The following ZNF735 variants were observed in gnomAD, a reference collection of about 807,000 sequenced individuals.
ZNF735 encodes putative zinc finger protein 735.
In ZNF735, 11 loss-of-function variants were observed where a neutral mutation model predicts 13.4. The ratio of observed to expected loss-of-function variants is 0.82; its 90% CI spans 0.52 to 1.36. The LOEUF (loss-of-function observed/expected upper bound fraction) is 1.36, where lower values mean the gene tolerates loss of function less well. Ranked by LOEUF, ZNF735 falls within the 40% of genes most tolerant of loss-of-function variation. The pLI is 0.00. For synonymous variants in ZNF735, 171 were observed against 162.6 expected, an observed-to-expected ratio of 1.05 and a Z score of -0.39; for missense variants, 500 against 484.6, an observed-to-expected ratio of 1.03 and a Z score of -0.30.
At chr7:64,219,955 T>A (rs777700416) in exon 4 of ZNF735, 5 of 1,613,954 alleles carry the variant, frequency 3.1e-6, no homozygotes. Flanking sequence ...ATGTGAAGAA[T>A]GTGGCAAAGC....
At chr7:64,215,830 A>G (rs1159124249) in intron 3 of ZNF735, among the ~76,000 whole-genome samples, 7 of 152,092 alleles carry the variant, frequency 4.6e-5, no homozygotes, top group Non-Finnish European at 1.0e-4. Flanking sequence ...TTGGTCATAC[A>G]CAGAAGAGTT....
intron 2 of ZNF735, 74 bp from the exon 3 acceptor site, chr7:64,213,939 A>T: frequency 7.4e-7 from 1 of 1,352,364 alleles, no homozygotes; most frequent in Admixed American, 2.4e-5. Context: ...AGCCTGAGCG[A>T]CAGAGTGAGA....
chr7:64,213,170 T>C (rs761242701), exon 2 of ZNF735: 25 of 1,612,784 alleles, frequency 1.6e-5, no homozygotes, highest in Non-Finnish European at 1.7e-5. Flanking sequence ...TCAGCAGAAT[T>C]TATATAGAGA....
chr7:64,216,165 G>T (rs1443100619), intron 3 of ZNF735, among the ~76,000 whole-genome samples: 1 of 151,528 alleles, frequency 6.6e-6, no homozygotes, highest in Non-Finnish European at 1.5e-5. Flanking sequence ...GTGTAGTGGC[G>T]GGCACCTATA....
At chr7:64,207,405 G>A (rs995210537) in intron 1 of ZNF735, among the ~76,000 whole-genome samples, 164 bp downstream of exon 1, 3 of 152,206 alleles carry the variant, frequency 2.0e-5, no homozygotes, top group African/African-American at 7.2e-5. Flanking sequence ...GCCCTAAGAT[G>A]GTGCCTGGGC....
chr7:64,219,250 A>G (rs1787457211), intron 3 of ZNF735, 64 bp from the exon 4 acceptor site: 1 of 1,549,800 alleles, frequency 6.5e-7, no homozygotes, highest in Admixed American at 2.2e-5. Context: ...TATATATTTG[A>G]TTTGTACAGT....
In ZNF735 at chr7:64,209,248, T is replaced by C. The variant is rs546705215; in HGVS notation, c.39+2007T>C. Among the ~76,000 whole-genome samples, 13 of 151,208 alleles carry C rather than the reference T, an allele frequency of 8.6e-5. No individual in the cohort carries two copies. The Admixed American group carries it at 8.6e-4, about 10-fold the overall frequency. ...GTTCCGTTTTTTTTTTTTGACTTTT[T>C]AGTCTAATTGTTTTTATTTGAATTA... On this transcript the variant is annotated intron_variant, in intron 1 of 3. Transcript: ENST00000429565.
intron 1 of ZNF735, among the ~76,000 whole-genome samples, chr7:64,207,854 G>A (rs1403800981): frequency 2.0e-5 from 3 of 152,036 alleles, no homozygotes; most frequent in African/African-American, 7.2e-5. Flanking sequence ...GGGTGTGGTG[G>A]CACGTGCCTG....
chr7:64,218,503 T>C (rs1787447775), intron 3 of ZNF735, among the ~76,000 whole-genome samples: 2 of 152,258 alleles, frequency 1.3e-5, no homozygotes, highest in South Asian at 4.1e-4. Flanking sequence ...CACAATTGTT[T>C]ATTTTTATTA....
chr7:64,212,792 A>G (rs535695700), intron 1 of ZNF735, among the ~76,000 whole-genome samples: 3 of 74,400 alleles, frequency 4.0e-5, no homozygotes, highest in African/African-American at 9.8e-5. Context: ...CTTGGTAAAG[A>G]AAAAAAAAAA....
intron 1 of ZNF735, among the ~76,000 whole-genome samples, chr7:64,211,832 C>A (rs1312569597): frequency 2.0e-5 from 3 of 150,228 alleles, no homozygotes; most frequent in African/African-American, 7.3e-5. Context: ...CACCATTACA[C>A]TCTAGCCTGG....
chr7:64,215,999 A>C (rs950462490), intron 3 of ZNF735, among the ~76,000 whole-genome samples: 32 of 152,176 alleles, frequency 2.1e-4, no homozygotes, highest in African/African-American at 7.5e-4. Flanking sequence ...TTCATAATAA[A>C]ATTTAAAAAT....
chr7:64,214,241 A>G (rs896682905), intron 3 of ZNF735, 133 bp downstream of exon 3: 1 of 1,014,380 alleles, frequency 9.9e-7, no homozygotes, highest in Admixed American at 3.1e-5. Context: ...AGTATTTTTT[A>G]TTTTTTATTT....
chr7:64,211,219 T>A (rs1329537403), intron 1 of ZNF735, among the ~76,000 whole-genome samples: 1 of 152,194 alleles, frequency 6.6e-6, no homozygotes, highest in African/African-American at 2.4e-5. Context: ...CACTACAAAT[T>A]TATAACCTGC....
chr7:64,209,402 A>G (rs1398291862), intron 1 of ZNF735, among the ~76,000 whole-genome samples: 1 of 149,682 alleles, frequency 6.7e-6, no homozygotes, highest in Non-Finnish European at 1.5e-5. Flanking sequence ...GCTGGAGTGC[A>G]GTGGCGTGAT....
intron 2 of ZNF735, 66 bp downstream of exon 2, chr7:64,213,284 G>C: frequency 6.7e-7 from 1 of 1,481,540 alleles, no homozygotes; most frequent in Non-Finnish European, 9.1e-7. Context: ...GATGATTTTG[G>C]TAATTTCTGC....
At chr7:64,217,388 T>A (rs1208708617) in intron 3 of ZNF735, among the ~76,000 whole-genome samples, 2 of 152,236 alleles carry the variant, frequency 1.3e-5, no homozygotes, top group African/African-American at 4.8e-5. Context: ...AAAAGTTTTC[T>A]ATAGCATTGT....
rs71060562 is a variant in ZNF735 at position 64,208,244 on chromosome 7, G to GTTTTTTTTT, written c.39+1025_39+1033dup. Among the ~76,000 whole-genome samples, 94 of 93,062 alleles carry GTTTTTTTTT rather than the reference G, an allele frequency of 1.0e-3. 15 individuals are homozygous for GTTTTTTTTT. The highest frequency in any genetic ancestry group is 2.9e-3 in the African/African-American group (70 of 24,054). The allele number at this position is 93,062 out of a possible 152,430, so 61.1% of individuals were successfully genotyped here. ...TTCAAGATAGTAATCTCCAATAAAT[G>GTTTTTTTTT]TTTTTTTTTTTTTTTTTTTTTTTTT... On this transcript the variant is annotated intron_variant, in intron 1 of 3. Coordinates refer to ENST00000429565, the Ensembl canonical transcript of ZNF735.
chr7:64,212,553 G>T (rs547877111), intron 1 of ZNF735, among the ~76,000 whole-genome samples: 1 of 152,290 alleles, frequency 6.6e-6, no homozygotes, highest in South Asian at 2.1e-4. Flanking sequence ...AGCACTTTGG[G>T]AGGCAAAGGT....
Sources: gnomAD v4.1 joint callset for allele counts (sites outside exome capture counted in the v4.1 genomes callset) on GRCh38, gnomAD v4.1.1 for gene constraint, MANE v1.5 for transcripts, NCBI Gene and HGNC (gene_info 2026-07-23, HGNC 2026-07-21) for gene names.